The following ATP2B1 variants were observed in gnomAD, a reference collection of about 807,000 sequenced individuals.
The protein encoded by ATP2B1 is plasma membrane calcium-transporting ATPase 1.
ATP2B1 carries 14 observed loss-of-function variants against 124.2 expected under a neutral mutation model. That is an observed-to-expected ratio of 0.11 (90% CI 0.07 to 0.18). The LOEUF (loss-of-function observed/expected upper bound fraction) is 0.18, where lower values mean the gene tolerates loss of function less well. Ranked by LOEUF, ATP2B1 falls within the 10% of genes least tolerant of loss-of-function variation. ATP2B1 has a pLI of 1.00. For synonymous variants in ATP2B1, 449 were observed against 492.4 expected (o/e 0.91, Z 1.17); for missense variants, 763 against 1,466.1 (o/e 0.52, Z 7.83).
Position 89,642,439 on chromosome 12 carries a change from A to G in ATP2B1, c.209-84T>C, listed in dbSNP as rs371632309. 1.3e-3 allele frequency: 1,639 copies of G among 1,279,574 alleles called. 39 individuals carry two copies. The South Asian group carries it at 0.021, about 17-fold the overall frequency. 79.3% of individuals were successfully genotyped at this position (1,279,574 alleles called of 1,614,324 possible). ...AGTTTTATTCAAAATACCTCAACTC[A>G]TCACTCTAGACCCTACCAAAATGTT... On this transcript the variant is annotated intron_variant, in intron 2 of 20. Coordinates refer to ENST00000428670, the MANE Select transcript of ATP2B1 (RefSeq NM_001366521.1).
chr12:89,646,717 C>T (rs1043096727), intron 2 of ATP2B1, among the ~76,000 whole-genome samples: 14 of 152,226 alleles, frequency 9.2e-5, no homozygotes, highest in East Asian at 3.9e-4. Context: ...AAGAGCTGAA[C>T]GGACAGTGGG....
intron 20 of ATP2B1, among the ~76,000 whole-genome samples, chr12:89,592,350 G>C (rs1873736072): frequency 6.6e-6 from 1 of 151,990 alleles, no homozygotes; most frequent in African/African-American, 2.4e-5. Flanking sequence ...ATTGTTAAGA[G>C]AAATAAATAA....
chr12:89,627,866 G>T, intron 6 of ATP2B1, 150 bp from the exon 7 acceptor site: 1 of 804,510 alleles, frequency 1.2e-6, no homozygotes, highest in Admixed American at 2.6e-5. Flanking sequence ...GTGATGACCT[G>T]CTGGGTCAAT....
chr12:89,696,478 T>C (rs989934825), intron 1 of ATP2B1, among the ~76,000 whole-genome samples: 1 of 144,854 alleles, frequency 6.9e-6, no homozygotes, highest in Non-Finnish European at 1.5e-5. Flanking sequence ...ATGTTGTTAA[T>C]GAAAAAATTT....
chr12:89,630,933 A>G (rs1881770030), intron 5 of ATP2B1, among the ~76,000 whole-genome samples: 1 of 151,674 alleles, frequency 6.6e-6, no homozygotes, highest in African/African-American at 2.4e-5. Context: ...ACACTCTGCT[A>G]ATTTTTTTAA....
chr12:89,630,416 A>T, intron 6 of ATP2B1, 89 bp downstream of exon 6: 1 of 1,181,946 alleles, frequency 8.5e-7, no homozygotes, highest in African/African-American at 1.6e-5. Context: ...AGAATTTTTC[A>T]TACCAGAATC....
intron 1 of ATP2B1, among the ~76,000 whole-genome samples, chr12:89,677,156 C>G (rs985175195): frequency 6.6e-6 from 1 of 152,150 alleles, no homozygotes; most frequent in Non-Finnish European, 1.5e-5. Flanking sequence ...CAGACAGAAG[C>G]TTCCTTTGTC....
intron 2 of ATP2B1, among the ~76,000 whole-genome samples, chr12:89,643,947 T>C (rs753127760): frequency 6.6e-6 from 1 of 151,934 alleles, no homozygotes; most frequent in South Asian, 2.1e-4. Flanking sequence ...CATGGTAAAA[T>C]CTCATTTCTA....
chr12:89,611,604 T>A (rs1592736618), intron 12 of ATP2B1: 1 of 373,790 alleles, frequency 2.7e-6, no homozygotes, highest in East Asian at 4.1e-5. Context: ...TCAGTTGTCA[T>A]CTACTAATTT....
chr12:89,668,278 C>CCTAG (rs1362135404), intron 1 of ATP2B1, among the ~76,000 whole-genome samples: 14 of 152,090 alleles, frequency 9.2e-5, no homozygotes, highest in Non-Finnish European at 1.9e-4. Context: ...TTTTATAGCC[C>CCTAG]CTACAGAGGC....
intron 15 of ATP2B1, 121 bp from the exon 16 acceptor site, chr12:89,604,467 T>A (rs1876447740): frequency 1.5e-6 from 1 of 685,718 alleles, no homozygotes; most frequent in Non-Finnish European, 2.3e-6. Flanking sequence ...TTACTTAAAT[T>A]TACACTAAAA....
At chr12:89,612,809 T>A (rs997719513) in intron 12 of ATP2B1, among the ~76,000 whole-genome samples, 5 of 152,244 alleles carry the variant, frequency 3.3e-5, no homozygotes, top group African/African-American at 1.2e-4. Context: ...ATGAGCTTCT[T>A]GAAGGTAGGA....
intron 1 of ATP2B1, among the ~76,000 whole-genome samples, chr12:89,664,002 A>G (rs1483025381): frequency 6.6e-6 from 1 of 152,202 alleles, no homozygotes; most frequent in Non-Finnish European, 1.5e-5. Flanking sequence ...TTTATTGATA[A>G]TAATAAAAAT....
At chr12:89,642,002 G>T in intron 3 of ATP2B1, 156 bp downstream of exon 3, 1 of 736,080 alleles carries the variant, frequency 1.4e-6, no homozygotes, top group Non-Finnish European at 2.2e-6. Context: ...GGGTTACTGT[G>T]AAAGTTATCT....
intron 1 of ATP2B1, among the ~76,000 whole-genome samples, chr12:89,705,382 T>C (rs1238211697): frequency 6.6e-6 from 1 of 152,174 alleles, no homozygotes; most frequent in Non-Finnish European, 1.5e-5. Flanking sequence ...TGTTTGTTTC[T>C]GCTTTCTGAT....
At chr12:89,658,255 T>G (rs941253940) in intron 1 of ATP2B1, among the ~76,000 whole-genome samples, 1 of 152,210 alleles carries the variant, frequency 6.6e-6, no homozygotes, top group African/African-American at 2.4e-5. Flanking sequence ...TGGCCTGCTA[T>G]CCCATCAATC....
intron 6 of ATP2B1, 66 bp downstream of exon 6, chr12:89,630,439 G>T: frequency 7.7e-7 from 1 of 1,297,370 alleles, no homozygotes; most frequent in Non-Finnish European, 1.0e-6. Context: ...TTGAAAGAAG[G>T]TACTAGTTCT....
intron 12 of ATP2B1, among the ~76,000 whole-genome samples, chr12:89,614,823 T>C (rs1878672685): frequency 6.6e-6 from 1 of 152,144 alleles, no homozygotes; most frequent in African/African-American, 2.4e-5. Flanking sequence ...CCACTTACTT[T>C]GAAATCATTC....
intron 16 of ATP2B1, 52 bp downstream of exon 16, chr12:89,604,103 A>G: frequency 1.9e-6 from 3 of 1,542,524 alleles, no homozygotes; most frequent in Non-Finnish European, 2.6e-6. Context: ...GGCATTTAAT[A>G]TACTTTTTAA....
Sources: gnomAD v4.1 joint callset for allele counts (sites outside exome capture counted in the v4.1 genomes callset) on GRCh38, gnomAD v4.1.1 for gene constraint, MANE v1.5 for transcripts, NCBI Gene and HGNC (gene_info 2026-07-23, HGNC 2026-07-21) for gene names.